CAGE1: variants seen among roughly 807,000 people sequenced by gnomAD.
CAGE1 encodes the protein cancer antigen 1.
CAGE1 carries 66 observed loss-of-function variants against 94.9 expected under a neutral mutation model. That is an observed-to-expected ratio of 0.70 (90% CI 0.57 to 0.85). CAGE1 has a LOEUF of 0.85. Ranked by LOEUF, CAGE1 falls within the 40% of genes least tolerant of loss-of-function variation. CAGE1 has a pLI of 0.00. For synonymous variants in CAGE1, 319 were observed against 321.0 expected (o/e 0.99, Z 0.07); for missense variants, 865 against 950.4 (o/e 0.91, Z 1.18).
intron 10 of CAGE1, 136 bp downstream of exon 10, chr6:7,355,889 G>A (rs922209902): frequency 5.3e-6 from 3 of 570,362 alleles, no homozygotes; most frequent in Non-Finnish European, 6.2e-6. Context: ...TATAATCCCA[G>A]CTACTCATGA....
At chr6:7,345,736 G>C (rs901471952) in intron 11 of CAGE1, among the ~76,000 whole-genome samples, 16 of 151,738 alleles carry the variant, frequency 1.1e-4, no homozygotes, top group Non-Finnish European at 1.9e-4. Flanking sequence ...GACCATCCTG[G>C]CTGACTAAAA....
At chr6:7,352,060 G>A (rs1759786812) in intron 11 of CAGE1, among the ~76,000 whole-genome samples, 1 of 151,750 alleles carries the variant, frequency 6.6e-6, no homozygotes, top group African/African-American at 2.4e-5. Flanking sequence ...AATAAATAAG[G>A]GGCACCCAAA....
At chr6:7,364,341 T>C (rs186389344) in intron 9 of CAGE1, among the ~76,000 whole-genome samples, 3 of 152,336 alleles carry the variant, frequency 2.0e-5, no homozygotes, top group East Asian at 1.9e-4. Context: ...TAAACAGTTA[T>C]TTATGTATCT....
At chr6:7,366,772 G>C (rs188166708) in intron 7 of CAGE1, among the ~76,000 whole-genome samples, 1 of 152,046 alleles carries the variant, frequency 6.6e-6, no homozygotes, top group African/African-American at 2.4e-5. Flanking sequence ...GCTGTGGTAA[G>C]TCATAGCTGT....
chr6:7,380,553 C>T (rs968904620), intron 3 of CAGE1, among the ~76,000 whole-genome samples: 2 of 151,744 alleles, frequency 1.3e-5, no homozygotes, highest in African/African-American at 4.8e-5. Flanking sequence ...AGGAGAACCA[C>T]TTGAACCTGG....
chr6:7,327,000 G>T, intron 13 of CAGE1, 101 bp from the exon 14 acceptor site: 1 of 805,876 alleles, frequency 1.2e-6, no homozygotes. Flanking sequence ...ATGGAAAAGG[G>T]GTGCAAAGTA....
intron 12 of CAGE1, among the ~76,000 whole-genome samples, chr6:7,330,316 G>A (rs192915329): frequency 6.6e-6 from 1 of 152,318 alleles, no homozygotes; most frequent in Admixed American, 6.5e-5. Context: ...GAGCCTGGGA[G>A]GTGGAGGCTG....
intron 13 of CAGE1, 138 bp downstream of exon 13, chr6:7,329,711 C>A: frequency 1.8e-6 from 1 of 550,880 alleles, no homozygotes; most frequent in South Asian, 2.6e-5. Context: ...GACGGAAGAG[C>A]CCTCATCTGA....
intron 11 of CAGE1, among the ~76,000 whole-genome samples, chr6:7,337,079 T>C (rs1758979296): frequency 6.6e-6 from 1 of 152,034 alleles, no homozygotes; most frequent in South Asian, 2.1e-4. Flanking sequence ...TCCCAGCACT[T>C]TGGGAGGCCG....
rs796293555 is a variant in CAGE1 at position 7,358,035 on chromosome 6, T to G, written c.2194-1906A>C. 1.6e-3 allele frequency among the ~76,000 whole-genome samples: 67 copies of G among 42,922 alleles called. 1 individual carries two copies. Among genetic ancestry groups the G allele is most frequent in the South Asian group, 9.7e-3 (12 of 1,234 alleles). The allele number at this position is 42,922 out of a possible 152,430, so 28.2% of individuals were successfully genotyped here. A position where few individuals can be genotyped will look rare whatever the true frequency, so the allele number is the denominator to read the frequency against. On this transcript the variant is annotated intron_variant, in intron 9 of 13. Coordinates refer to ENST00000502583, the MANE Select transcript of CAGE1 (RefSeq NM_001170692.2). ...GGTTAGGTAAGTTTTGAGATATATA[T>G]ATATATATATATATATATATATATA...
chr6:7,371,239 C>A (rs1365404880), intron 5 of CAGE1, among the ~76,000 whole-genome samples: 4 of 152,140 alleles, frequency 2.6e-5, no homozygotes, highest in African/African-American at 7.2e-5. Flanking sequence ...GGCCAGCAAT[C>A]TGTGCTTTAA....
intron 12 of CAGE1, among the ~76,000 whole-genome samples, chr6:7,332,444 A>G (rs1209160731): frequency 1.3e-5 from 2 of 152,170 alleles, no homozygotes; most frequent in Non-Finnish European, 2.9e-5. Context: ...GCAGAGCTGA[A>G]GATAACTCAA....
rs1015289764 is a variant in CAGE1, at chr6:7,374,225, T to C, written c.688-94A>G. On this transcript the variant is annotated intron_variant, in intron 4 of 13. Transcript: ENST00000502583. ...GCTGGCCTTGAATTCTATTAGTAGA[T>C]CCCCTGTTTGGCTTTCTCCGCTATA... 5 of 1,004,822 alleles carry C rather than the reference T, an allele frequency of 5.0e-6. No homozygotes were observed. The African/African-American group carries it at 8.1e-5, about 16-fold the overall frequency. The allele number at this position is 1,004,822 out of a possible 1,614,324, so 62.2% of individuals were successfully genotyped here.
Position 7,373,493 on chromosome 6 carries a change from G to T in CAGE1, c.1326C>A (p.Asp442Glu), listed in dbSNP as rs780382932. ...CTTCTTCTTTCTTGCTTAAGGTTTT[G>T]TCCATCTCTAAATACTGACTTACAG... is the stretch of plus-strand genomic sequence containing the variant. ...NKSVSQYLEMDKTLSKKEEEV... is the reference protein window; with the variant it reads ...NKSVSQYLEMEKTLSKKEEEV... The change falls in exon 5 of 14, where the codon GAC becomes GAA. Residue 442 changes from aspartate (D) to glutamate (E), a missense_variant. Physicochemically the swap from Asp to Glu is conservative, Grantham distance 45. Coordinates refer to ENST00000502583, the MANE Select transcript of CAGE1 (RefSeq NM_001170692.2). 2 of 1,613,600 alleles carry T rather than the reference G, an allele frequency of 1.2e-6. No individual in the cohort carries two copies. Among genetic ancestry groups the T allele is most frequent in the African/African-American group, 2.7e-5 (2 of 74,852 alleles).
At chr6:7,338,155 C>G (rs2764100) in intron 11 of CAGE1, among the ~76,000 whole-genome samples, 44,481 of 151,988 alleles carry the variant, frequency 0.29, 6,941 homozygotes, top group African/African-American at 0.39. Flanking sequence ...TGTACTGGAT[C>G]CTGCAACTTT....
At chr6:7,354,279 A>G (rs907458413) in intron 11 of CAGE1, among the ~76,000 whole-genome samples, 1 of 152,180 alleles carries the variant, frequency 6.6e-6, no homozygotes, top group Admixed American at 6.5e-5. Flanking sequence ...ACATTTCCTG[A>G]GTATACAACA....
chr6:7,354,797 A>G (rs1284428246), intron 11 of CAGE1, among the ~76,000 whole-genome samples: 1 of 152,218 alleles, frequency 6.6e-6, no homozygotes, highest in African/African-American at 2.4e-5. Flanking sequence ...GTTTCTTAGT[A>G]ATTCCTTCAT....
At chr6:7,376,389 A>AAAATAAATAAAT (rs200068860) in intron 4 of CAGE1, among the ~76,000 whole-genome samples, 196 of 141,660 alleles carry the variant, frequency 1.4e-3, no homozygotes, top group East Asian at 0.01. Context: ...ACTCCATCTC[A>AAAATAAATAAAT]AAATAAATAA....
At chr6:7,367,229 G>GA (rs199691583) in intron 7 of CAGE1, among the ~76,000 whole-genome samples, 1,755 of 140,744 alleles carry the variant, frequency 0.012, 35 homozygotes, top group African/African-American at 0.045. Context: ...TAATTACACA[G>GA]AAAAAATTAA....
Sources: allele counts gnomAD v4.1 joint callset (sites outside exome capture counted in the v4.1 genomes callset), GRCh38; gene constraint gnomAD v4.1.1; transcripts MANE v1.5; gene names NCBI Gene and HGNC (gene_info 2026-07-23, HGNC 2026-07-21).